The following NIPA1 variants were observed in gnomAD, a reference collection of about 807,000 sequenced individuals.
The protein encoded by NIPA1 is NIPA magnesium transporter 1.
A neutral mutation model predicts 23.9 loss-of-function variants in NIPA1; 13 were observed. That is an observed-to-expected ratio of 0.54 (90% confidence interval 0.35 to 0.87). NIPA1 has a LOEUF of 0.87. NIPA1 is among the 40% of genes least tolerant of loss of function. NIPA1 has a pLI of 0.01. For missense variants in NIPA1, 362 were observed against 429.7 expected (o/e 0.84, Z 1.39); for synonymous variants, 234 against 202.9 (o/e 1.15, Z -1.30).
chr15:22,804,843 T>A (rs910597323), intron 1 of NIPA1, among the ~76,000 whole-genome samples: 4 of 146,390 alleles, frequency 2.7e-5, no homozygotes, highest in Non-Finnish European at 4.5e-5. Flanking sequence ...TTATAGTAAA[T>A]TTTTTTTTTT....
chr15:22,790,077 A>G (rs1894796590), intron 1 of NIPA1, among the ~76,000 whole-genome samples: 1 of 152,038 alleles, frequency 6.6e-6, no homozygotes, highest in Non-Finnish European at 1.5e-5. Context: ...TACAGGTCTG[A>G]GCCACCATGC....
In NIPA1 at chr15:22,801,448, C is replaced by T. The variant is rs201987250; in HGVS notation, c.179-9301C>T. 1.4e-4 allele frequency among the ~76,000 whole-genome samples: 21 copies of T among 150,612 alleles called. No homozygotes were observed. In the East Asian group the frequency reaches 3.7e-3, roughly 27 times the overall value. Reference sequence around the variant, plus strand: ...TGGGGGAAAGGATGAGAGAGATTGCCTTTAGTTAAGGCAGAGAGGAAGAGG... The same window carrying T: ...TGGGGGAAAGGATGAGAGAGATTGCTTTTAGTTAAGGCAGAGAGGAAGAGG... On this transcript the variant is annotated intron_variant, in intron 1 of 4. Transcript: ENST00000337435.
intron 1 of NIPA1, among the ~76,000 whole-genome samples, chr15:22,793,377 A>G (rs917672775): frequency 4.3e-4 from 65 of 151,492 alleles, no homozygotes; most frequent in African/African-American, 1.4e-3. Context: ...AAAAAAAAAA[A>G]AGAGAATACA....
intron 3 of NIPA1, among the ~76,000 whole-genome samples, chr15:22,812,664 A>AAG (rs561132805): frequency 6.6e-6 from 1 of 151,080 alleles, no homozygotes; most frequent in Non-Finnish European, 1.5e-5. Flanking sequence ...AAAAAAAAAA[A>AAG]GAAGATAGAT....
chr15:22,792,941 C>A (rs1894862965), intron 1 of NIPA1, among the ~76,000 whole-genome samples: 1 of 151,934 alleles, frequency 6.6e-6, no homozygotes, highest in Non-Finnish European at 1.5e-5. Flanking sequence ...GCAACAAGAG[C>A]AAAAACTCCA....
At chr15:22,797,093 G>T (rs1333735156) in intron 1 of NIPA1, among the ~76,000 whole-genome samples, 3 of 151,388 alleles carry the variant, frequency 2.0e-5, no homozygotes, top group Admixed American at 6.6e-5. Flanking sequence ...AGGCTGGAGT[G>T]CAGTGGCGCG....
In NIPA1 at chr15:22,829,358, A is replaced by G. The variant is rs1309017898; in HGVS notation, c.*5119A>G. The G allele has an allele frequency of 2.0e-5, 3 of 152,414 alleles. No homozygotes were observed. In the South Asian group the frequency reaches 6.2e-4, roughly 32 times the overall value. 9.4% of individuals were successfully genotyped at this position (152,414 alleles called of 1,614,324 possible). A position where few individuals can be genotyped will look rare whatever the true frequency, so the allele number is the denominator to read the frequency against. ...CGAATGTCAGGGCTCCCAAACCACT[A>G]GTGCCAAAGGGTCATGTTGAAAAGT... On this transcript the variant is annotated 3_prime_UTR_variant, in exon 5 of 5. Transcript: ENST00000337435.
intron 1 of NIPA1, among the ~76,000 whole-genome samples, chr15:22,788,965 A>G (rs994915397): frequency 6.8e-6 from 1 of 146,844 alleles, no homozygotes; most frequent in Admixed American, 6.8e-5. Flanking sequence ...ATACCTATAT[A>G]CTATGCTTTC....
chr15:22,813,154 T>C (rs1895351879), intron 3 of NIPA1, among the ~76,000 whole-genome samples: 1 of 151,114 alleles, frequency 6.6e-6, no homozygotes. Flanking sequence ...TGGGGTGGGC[T>C]GGGGGGCGGT....
Position 22,812,390 on chromosome 15 carries a change from G to GC in NIPA1, c.317+139dup. On this transcript the variant is annotated intron_variant, in intron 3 of 4. Coordinates refer to ENST00000337435, the MANE Select transcript of NIPA1 (RefSeq NM_144599.5). The stretch of plus-strand genomic sequence containing the variant: ...CTTCAGGCCGGGCATGGTGGCTTAC[G>GC]CCTGTAATCCCAGCACTTTGGGAGG... 3 of 685,406 alleles carry GC rather than the reference G, an allele frequency of 4.4e-6. No individual in the cohort carries two copies. In the South Asian group the frequency reaches 4.5e-5, roughly 10 times the overall value. The allele number at this position is 685,406 out of a possible 1,614,324, so 42.5% of individuals were successfully genotyped here.
At chr15:22,819,589 ACTT>A (rs1460374250) in intron 3 of NIPA1, among the ~76,000 whole-genome samples, 3 of 152,116 alleles carry the variant, frequency 2.0e-5, no homozygotes, top group Non-Finnish European at 4.4e-5. Flanking sequence ...ACCCCATACT[ACTT>A]CTACTACTGC....
At chr15:22,812,134 A>T in intron 2 of NIPA1, 29 bp from the exon 3 acceptor site, 2 of 1,530,112 alleles carry the variant, frequency 1.3e-6, no homozygotes, top group East Asian at 4.5e-5. Flanking sequence ...CTGTAATTGC[A>T]AGTAGTATCC....
intron 1 of NIPA1, among the ~76,000 whole-genome samples, chr15:22,798,935 C>A (rs1256249533): frequency 2.0e-5 from 3 of 151,230 alleles, no homozygotes; most frequent in Non-Finnish European, 2.9e-5. Context: ...GTACATATCA[C>A]CCTTGGTTAA....
At chr15:22,799,943 C>CAAAAAA (rs61174589) in intron 1 of NIPA1, among the ~76,000 whole-genome samples, 2 of 47,010 alleles carry the variant, frequency 4.3e-5, no homozygotes, top group Non-Finnish European at 7.5e-5. Flanking sequence ...GACCCTGTCT[C>CAAAAAA]AAAAAAAAAA....
chr15:22,809,707 T>C (rs1431903104), intron 1 of NIPA1, among the ~76,000 whole-genome samples: 2 of 149,102 alleles, frequency 1.3e-5, no homozygotes, highest in Admixed American at 1.4e-4. Context: ...ATCGCACCAG[T>C]GCATTCCAGC....
At chr15:22,786,423 C>A (rs1240714077), upstream of NIPA1, among the ~76,000 whole-genome samples, 1 of 151,480 alleles carries the variant, frequency 6.6e-6, no homozygotes, top group East Asian at 1.9e-4. Context: ...ATCCGGGAAC[C>A]CCCGCCCCAC....
At chr15:22,814,142 C>T in intron 3 of NIPA1, 13 of 1,254,658 alleles carry the variant, frequency 1.0e-5, no homozygotes, top group Non-Finnish European at 1.4e-5. Flanking sequence ...CTGTCTTCAA[C>T]TTGGAATCCC....
chr15:22,800,433 T>C (rs1895051705), intron 1 of NIPA1, among the ~76,000 whole-genome samples: 1 of 152,072 alleles, frequency 6.6e-6, no homozygotes. Context: ...GTTCATCTTT[T>C]AGAATCAGGA....
intron 1 of NIPA1, among the ~76,000 whole-genome samples, chr15:22,795,179 G>C (rs1894915499): frequency 2.6e-5 from 4 of 152,156 alleles, no homozygotes; most frequent in African/African-American, 9.7e-5. Context: ...GACCCTGAGA[G>C]GAGATCACTG....
Sources: allele counts gnomAD v4.1 joint callset (sites outside exome capture counted in the v4.1 genomes callset), GRCh38; gene constraint gnomAD v4.1.1; transcripts MANE v1.5; gene names NCBI Gene and HGNC (gene_info 2026-07-23, HGNC 2026-07-21).